The following RSU1 variants were observed in gnomAD, a reference collection of about 807,000 sequenced individuals.
RSU1 encodes the protein Ras suppressor protein 1.
RSU1 carries 26 observed loss-of-function variants against 31.1 expected under a neutral mutation model. The observed-to-expected ratio is 0.84, with a 90% CI of 0.61 to 1.16. RSU1 has a LOEUF of 1.16. Ranked by LOEUF, RSU1 falls within the 50% of genes most tolerant of loss-of-function variation. The probability of loss-of-function intolerance (pLI) is 0.00; values close to 1 mark genes in which losing one functional copy is unlikely to be tolerated. For synonymous variants in RSU1, 164 were observed against 136.3 expected, an observed-to-expected ratio of 1.20 and a Z score of -1.41; for missense variants, 320 against 339.1, an observed-to-expected ratio of 0.94 and a Z score of 0.44.
Position 16,646,057 on chromosome 10 carries a change from TATATAC to T in RSU1, c.731+48960_731+48965del, listed in dbSNP as rs1291656947. Among the ~76,000 whole-genome samples, 2 of 29,922 alleles carry T rather than the reference TATATAC, an allele frequency of 6.7e-5. 1 individual carries two copies. Among genetic ancestry groups the T allele is most frequent in the Non-Finnish European group, 1.4e-4 (2 of 13,988 alleles). 19.6% of individuals were successfully genotyped at this position (29,922 alleles called of 152,430 possible). A position where few individuals can be genotyped will look rare whatever the true frequency, so the allele number is the denominator to read the frequency against. On this transcript the variant is annotated intron_variant, in intron 8 of 8. Coordinates refer to ENST00000345264, the MANE Select transcript of RSU1 (RefSeq NM_012425.4). ...GTGTATATACATATATGTGTATATATATATACACACACACACACACACACACACACA... is the reference window on the plus strand; with the variant it reads ...GTGTATATACATATATGTGTATATATACACACACACACACACACACACACA...
intron 7 of RSU1, among the ~76,000 whole-genome samples, chr10:16,739,557 G>A (rs374758299): frequency 7.3e-5 from 10 of 137,200 alleles, no homozygotes; most frequent in South Asian, 2.4e-4. Context: ...TGCAAGCTCC[G>A]GCTCCCAGGT....
Position 16,646,875 on chromosome 10 carries a change from C to A in RSU1, c.731+48148G>T, listed in dbSNP as rs578259263. On this transcript the variant is annotated intron_variant, in intron 8 of 8. Coordinates refer to ENST00000345264, the MANE Select transcript of RSU1 (RefSeq NM_012425.4). ...ATGAGGCTGGAATCAACACGCAAAC[C>A]AAAACCACAATGAGATAGCATTTCA... is the stretch of plus-strand genomic sequence containing the variant. Among the ~76,000 whole-genome samples, 9 of 152,266 alleles carry A rather than the reference C, an allele frequency of 5.9e-5. No individual in the cohort carries two copies. The East Asian group carries it at 1.7e-3, about 29-fold the overall frequency.
At chr10:16,783,684 T>C (rs1298245284) in intron 2 of RSU1, among the ~76,000 whole-genome samples, 2 of 152,008 alleles carry the variant, frequency 1.3e-5, no homozygotes. Context: ...TGTTTTTTGT[T>C]TTTTCAAACC....
intron 8 of RSU1, among the ~76,000 whole-genome samples, chr10:16,609,451 C>A (rs1833858635): frequency 6.6e-6 from 1 of 152,178 alleles, no homozygotes. Context: ...AAGAATCTCA[C>A]CCACAAAACA....
chr10:16,747,220 T>C (rs1836873796), intron 7 of RSU1, among the ~76,000 whole-genome samples: 1 of 152,184 alleles, frequency 6.6e-6, no homozygotes, highest in South Asian at 2.1e-4. Flanking sequence ...TCAGGCTCAA[T>C]CTTTCACTCT....
At chr10:16,695,942 A>G (rs981415986) in intron 7 of RSU1, among the ~76,000 whole-genome samples, 4 of 152,212 alleles carry the variant, frequency 2.6e-5, no homozygotes, top group Non-Finnish European at 4.4e-5. Context: ...GGTAGCATAA[A>G]AAAGCCAGCA....
At position 16,754,882 on chromosome 10, in the gene RSU1, A is replaced by T. The variant is rs1467805667; in HGVS notation, c.389T>A (p.Phe130Tyr). 2 of 1,601,260 alleles carry T rather than the reference A, an allele frequency of 1.2e-6. No individual in the cohort carries two copies. Among genetic ancestry groups the T allele is most frequent in the South Asian group, 1.1e-5 (1 of 90,680 alleles). The change falls in exon 5 of 9, where the codon TTC (phenylalanine) becomes TAC (tyrosine). Residue 130 changes from phenylalanine (F) to tyrosine (Y), a missense_variant. Transcript: ENST00000345264. Reference protein sequence around the residue: ...NLSENSLPGNFFYLTTLRALY... With the variant: ...NLSENSLPGNYFYLTTLRALY... ...TGAAAGTTTCTTACTCAGGTAGAAG[A>T]AGTTTCCAGGAAGAGAATTTTCGCT...
chr10:16,792,632 G>A (rs969972751), intron 2 of RSU1, among the ~76,000 whole-genome samples: 5 of 152,198 alleles, frequency 3.3e-5, no homozygotes, highest in Non-Finnish European at 5.9e-5. Context: ...TAGCACTGCA[G>A]GCTGCACTAT....
chr10:16,760,517 GA>G (rs71374701), intron 4 of RSU1, among the ~76,000 whole-genome samples: 120 of 100,186 alleles, frequency 1.2e-3, no homozygotes, highest in Middle Eastern at 4.5e-3. Flanking sequence ...CTCAAAAAAA[GA>G]AAAAAAAAAA....
chr10:16,676,893 T>G (rs549619933), intron 8 of RSU1, among the ~76,000 whole-genome samples: 144 of 152,298 alleles, frequency 9.5e-4, no homozygotes, highest in Middle Eastern at 3.4e-3. Flanking sequence ...ACCACTCAGA[T>G]AAGGGGTTGC....
At chr10:16,707,048 G>A (rs1446294897) in intron 7 of RSU1, among the ~76,000 whole-genome samples, 1 of 152,072 alleles carries the variant, frequency 6.6e-6, no homozygotes, top group Non-Finnish European at 1.5e-5. Context: ...ACTTCTTTCA[G>A]GTTCATCCAA....
chr10:16,675,343 A>G (rs1379902835), intron 8 of RSU1, among the ~76,000 whole-genome samples: 1 of 152,226 alleles, frequency 6.6e-6, no homozygotes, highest in Non-Finnish European at 1.5e-5. Flanking sequence ...TTATTGTTCC[A>G]TAATTAAATG....
chr10:16,600,556 T>G (rs1334509122), intron 8 of RSU1, among the ~76,000 whole-genome samples: 1 of 84,180 alleles, frequency 1.2e-5, no homozygotes, highest in African/African-American at 1.3e-4. Context: ...TGACACGTGT[T>G]TTTTTTTTTT....
At chr10:16,793,213 G>A (rs1432519402) in intron 2 of RSU1, among the ~76,000 whole-genome samples, 1 of 152,030 alleles carries the variant, frequency 6.6e-6, no homozygotes, top group East Asian at 1.9e-4. Context: ...TTAGTGTGCA[G>A]GGTTACTGAA....
At chr10:16,739,666 C>T (rs181388400) in intron 7 of RSU1, among the ~76,000 whole-genome samples, 68 of 151,736 alleles carry the variant, frequency 4.5e-4, no homozygotes, top group African/African-American at 1.4e-3. Context: ...TTGCCCAGGC[C>T]GGAGTGCAAT....
At chr10:16,724,162 C>T (rs1215065775) in intron 7 of RSU1, among the ~76,000 whole-genome samples, 1 of 152,004 alleles carries the variant, frequency 6.6e-6, no homozygotes, top group Admixed American at 6.6e-5. Context: ...AGGCTGGTCT[C>T]GAACTCCTGA....
At position 16,613,086 on chromosome 10, in the gene RSU1, G is replaced by A. The variant is rs989251507; in HGVS notation, c.732-19590C>T. Among the ~76,000 whole-genome samples, 7 of 151,798 alleles carry A rather than the reference G, an allele frequency of 4.6e-5. No individual in the cohort carries two copies. The South Asian group carries it at 6.3e-4, about 14-fold the overall frequency. Reference sequence around the variant, plus strand: ...GAATAATGTTTCCAAAATCATCATCGCCTCTCCCCCAGCTCTCACTTGCAA... The same window carrying A: ...GAATAATGTTTCCAAAATCATCATCACCTCTCCCCCAGCTCTCACTTGCAA... On this transcript the variant is annotated intron_variant, in intron 8 of 8. Coordinates refer to ENST00000345264, the MANE Select transcript of RSU1 (RefSeq NM_012425.4).
At chr10:16,791,359 T>C (rs1217072207) in intron 2 of RSU1, among the ~76,000 whole-genome samples, 1 of 151,254 alleles carries the variant, frequency 6.6e-6, no homozygotes, top group Non-Finnish European at 1.5e-5. Flanking sequence ...ACTGGGCAGG[T>C]GTGGTGGCTC....
At chr10:16,600,956 G>A (rs75839337) in intron 8 of RSU1, among the ~76,000 whole-genome samples, 9,747 of 152,166 alleles carry the variant, frequency 0.064, 810 homozygotes, top group African/African-American at 0.2. Flanking sequence ...TGCTGCAGCA[G>A]CAAGGAAGAC....
Sources: allele counts gnomAD v4.1 joint callset (sites outside exome capture counted in the v4.1 genomes callset), GRCh38; gene constraint gnomAD v4.1.1; transcripts MANE v1.5; gene names NCBI Gene and HGNC (gene_info 2026-07-23, HGNC 2026-07-21).